The following TMEM45A variants were observed in gnomAD, a reference collection of about 807,000 sequenced individuals.
TMEM45A encodes the protein DNA polymerase-transactivated protein 4.
A neutral mutation model predicts 32.0 loss-of-function variants in TMEM45A; 25 were observed. The ratio of observed to expected loss-of-function variants is 0.78; its 90% CI spans 0.57 to 1.09. The LOEUF is 1.09. Among genes scored for constraint, TMEM45A ranks in the 50% least tolerant of loss-of-function variants. The probability of loss-of-function intolerance (pLI) is 0.00; values close to 1 mark genes in which losing one functional copy is unlikely to be tolerated. For synonymous variants in TMEM45A, 122 were observed against 114.8 expected (o/e 1.06, Z -0.40); for missense variants, 302 against 325.0 (o/e 0.93, Z 0.54).
At chr3:100,573,820 A>G (rs1303228213) in intron 5 of TMEM45A, 1 of 152,154 alleles carries the variant, frequency 6.6e-6, no homozygotes, top group African/African-American at 2.4e-5. Flanking sequence ...GGGTTGTTGA[A>G]TTTTGTCAAA....
chr3:100,577,303 G>T lies in TMEM45A; in HGVS notation c.*285G>T, dbSNP rs899172596. 3.6e-6 allele frequency: 1 copy of T among 281,672 alleles called. No individual in the cohort carries two copies. Among genetic ancestry groups the T allele is most frequent in the South Asian group, 5.1e-5 (1 of 19,772 alleles). 17.4% of individuals were successfully genotyped at this position (281,672 alleles called of 1,614,324 possible). On this transcript the variant is annotated 3_prime_UTR_variant, in exon 6 of 6. Coordinates refer to ENST00000323523, the MANE Select transcript of TMEM45A (RefSeq NM_018004.3). ...AAAGTTGGATGCCCACACTATGAAA[G>T]AAATATTTGTTTTATTTGCCTTATA...
rs1376139016 is a variant in TMEM45A at position 100,577,216 on chromosome 3, A to G, written c.*198A>G. 1 of 479,500 alleles carries G rather than the reference A, an allele frequency of 2.1e-6. No individual in the cohort carries two copies. Among genetic ancestry groups the G allele is most frequent in the African/African-American group, 2.0e-5 (1 of 49,804 alleles). 29.7% of individuals were successfully genotyped at this position (479,500 alleles called of 1,614,324 possible). A position where few individuals can be genotyped will look rare whatever the true frequency, so the allele number is the denominator to read the frequency against. On this transcript the variant is annotated 3_prime_UTR_variant, in exon 6 of 6. Transcript: ENST00000323523. ...TGAAAATATTTTGGGTGATACTTTC[A>G]TTTTGCACATCATGCACATCATGGT...
At position 100,555,411 on chromosome 3, in the gene TMEM45A, C is replaced by A; in HGVS notation, c.190+10C>A. 6.2e-7 allele frequency: 1 copy of A among 1,608,358 alleles called. No homozygotes were observed. The highest frequency in any genetic ancestry group is 8.5e-7 in the Non-Finnish European group (1 of 1,176,796). On this transcript the variant is annotated intron_variant, in intron 2 of 5. Transcript: ENST00000323523. ...GGCATGGCTTTAACTGGTGAGTGGACCATTCTGTGTTCTATTTTTACCTTT... is the reference window on the plus strand; with the variant it reads ...GGCATGGCTTTAACTGGTGAGTGGAACATTCTGTGTTCTATTTTTACCTTT...
Position 100,565,670 on chromosome 3 carries a change from T to G in TMEM45A, c.589-3152T>G, listed in dbSNP as rs1706417451. On this transcript the variant is annotated intron_variant, in intron 4 of 5. Transcript: ENST00000323523. ...CAATACATGGTAGACATTTGTAGGATTATTCATTATATTATCCTGGTTTTG... is the reference window on the plus strand; with the variant it reads ...CAATACATGGTAGACATTTGTAGGAGTATTCATTATATTATCCTGGTTTTG... 5.3e-5 allele frequency among the ~76,000 whole-genome samples: 8 copies of G among 152,174 alleles called. No individual in the cohort carries two copies. The South Asian group carries it at 1.7e-3, about 32-fold the overall frequency.
intron 1 of TMEM45A, among the ~76,000 whole-genome samples, chr3:100,532,178 T>A (rs1221159597): frequency 6.6e-6 from 1 of 152,158 alleles, no homozygotes; most frequent in Non-Finnish European, 1.5e-5. Flanking sequence ...TGCCTACAGA[T>A]CAACACCCTG....
intron 1 of TMEM45A, among the ~76,000 whole-genome samples, chr3:100,523,355 C>T (rs942248957): frequency 6.6e-6 from 1 of 152,178 alleles, no homozygotes; most frequent in Non-Finnish European, 1.5e-5. Flanking sequence ...TTAAACAGAG[C>T]TATGGGCTCA....
chr3:100,549,357 T>A (rs1706045250), intron 1 of TMEM45A, among the ~76,000 whole-genome samples: 1 of 152,224 alleles, frequency 6.6e-6, no homozygotes, highest in African/African-American at 2.4e-5. Flanking sequence ...GAACACGATC[T>A]ATTATGTTAC....
chr3:100,550,914 C>G (rs1217199382), intron 1 of TMEM45A, among the ~76,000 whole-genome samples: 1 of 150,690 alleles, frequency 6.6e-6, no homozygotes, highest in Non-Finnish European at 1.5e-5. Flanking sequence ...TGGAGGGCTT[C>G]TTTGGATGGG....
intron 1 of TMEM45A, among the ~76,000 whole-genome samples, chr3:100,548,666 T>A (rs1307981926): frequency 6.6e-6 from 1 of 152,242 alleles, no homozygotes; most frequent in Non-Finnish European, 1.5e-5. Context: ...ATTAGTTTGT[T>A]CCTTAGGGAC....
chr3:100,518,230 G>A (rs540740603), intron 1 of TMEM45A, among the ~76,000 whole-genome samples: 40 of 152,282 alleles, frequency 2.6e-4, no homozygotes, highest in Non-Finnish European at 4.3e-4. Context: ...CTTTCAGGTC[G>A]CTCAAGTGTT....
intron 1 of TMEM45A, chr3:100,518,984 C>T (rs1308741077): frequency 1.3e-5 from 2 of 152,966 alleles, no homozygotes; most frequent in Non-Finnish European, 2.9e-5. Flanking sequence ...AGTAGTGCCT[C>T]CCTGATTGTA....
At chr3:100,495,602 G>A (rs1344654928) in intron 1 of TMEM45A, among the ~76,000 whole-genome samples, 2 of 152,136 alleles carry the variant, frequency 1.3e-5, no homozygotes, top group African/African-American at 4.8e-5. Context: ...ACACAGAAGA[G>A]GTGTTTCTGG....
At chr3:100,513,240 A>C (rs1708198126) in intron 1 of TMEM45A, among the ~76,000 whole-genome samples, 2 of 151,984 alleles carry the variant, frequency 1.3e-5, no homozygotes, top group Admixed American at 1.3e-4. Context: ...AATACTGGCA[A>C]ACCGAATCCA....
chr3:100,518,016 G>T (rs1296918023), intron 1 of TMEM45A, among the ~76,000 whole-genome samples: 1 of 152,194 alleles, frequency 6.6e-6, no homozygotes, highest in Non-Finnish European at 1.5e-5. Flanking sequence ...TAGATAAGTG[G>T]GTTTTGATTG....
intron 1 of TMEM45A, chr3:100,519,474 A>G (rs1416377405): frequency 7.8e-7 from 1 of 1,284,434 alleles, no homozygotes; most frequent in African/African-American, 1.5e-5. Flanking sequence ...ACTTTTCAGC[A>G]TTACCTAAGA....
chr3:100,519,685 A>G (rs771129686), intron 1 of TMEM45A: 222 of 1,393,066 alleles, frequency 1.6e-4, no homozygotes, highest in Non-Finnish European at 2.1e-4. Context: ...ATAAAGACCT[A>G]GTTTGAACCT....
chr3:100,518,690 G>C (rs574115012), intron 1 of TMEM45A, among the ~76,000 whole-genome samples: 1 of 152,188 alleles, frequency 6.6e-6, no homozygotes, highest in African/African-American at 2.4e-5. Flanking sequence ...TTCCTGAGTC[G>C]TATTTGTGTT....
intron 1 of TMEM45A, among the ~76,000 whole-genome samples, chr3:100,513,223 T>C (rs1263882173): frequency 6.6e-6 from 1 of 151,692 alleles, no homozygotes; most frequent in East Asian, 1.9e-4. Context: ...GCAAAAATCC[T>C]CAATAAAATA....
intron 1 of TMEM45A, 29 bp downstream of exon 1, chr3:100,492,957 T>C (rs914057236): frequency 6.6e-6 from 1 of 152,146 alleles, no homozygotes; most frequent in Admixed American, 6.6e-5. Context: ...CTGGATATCA[T>C]ATTTCTCTTG....
Sources: allele counts gnomAD v4.1 joint callset (sites outside exome capture counted in the v4.1 genomes callset), GRCh38; gene constraint gnomAD v4.1.1; transcripts MANE v1.5; gene names NCBI Gene and HGNC (gene_info 2026-07-23, HGNC 2026-07-21).